PTGER4: variants seen among roughly 807,000 people sequenced by gnomAD.
PTGER4 encodes prostaglandin E receptor 4.
A neutral mutation model predicts 33.2 loss-of-function variants in PTGER4; 11 were observed. The observed-to-expected ratio is 0.33, with a 90% CI of 0.21 to 0.55. The LOEUF (loss-of-function observed/expected upper bound fraction) is 0.55, where lower values mean the gene tolerates loss of function less well. Ranked by LOEUF, PTGER4 falls within the 20% of genes least tolerant of loss-of-function variation. The pLI, the probability that PTGER4 is intolerant of heterozygous loss-of-function variation, is 0.92. For missense variants in PTGER4, 481 were observed against 650.2 expected (o/e 0.74, Z 2.83); for synonymous variants, 275 against 281.5 (o/e 0.98, Z 0.23).
chr5:40,722,877 G>A, the PTGER4 span, among the ~76,000 whole-genome samples: 4 of 150,652 alleles, frequency 2.7e-5, no homozygotes, highest in Admixed American at 6.6e-5. Flanking sequence ...GCCTCCGCCC[G>A]GCTGCCCCAT....
At position 40,692,212 on chromosome 5, in the gene PTGER4, T is replaced by C. The variant is rs755350771; in HGVS notation, c.1301T>C (p.Leu434Ser). Residue 434 changes from leucine (L) to serine (S), a missense_variant, in exon 3 of 3, where the codon TTG (leucine) becomes TCG (serine). Transcript: ENST00000302472. ...AQEDTTSLRT[L>S]RISETSDSSQ... ...GAAGACACCACCTCACTGAGGACTT[T>C]GCGAATATCAGAGACCTCAGACTCT... 6 of 1,614,182 alleles carry C rather than the reference T, an allele frequency of 3.7e-6. No homozygotes were observed. The highest frequency in any genetic ancestry group is 5.1e-6 in the Non-Finnish European group (6 of 1,180,034).
the PTGER4 span, among the ~76,000 whole-genome samples, chr5:40,720,941 T>A: frequency 1.3e-5 from 2 of 152,170 alleles, no homozygotes; most frequent in African/African-American, 2.4e-5. Flanking sequence ...GCCTGTTTTT[T>A]GGACCACTGT....
intron 2 of PTGER4, among the ~76,000 whole-genome samples, chr5:40,689,653 A>G (rs1741419757): frequency 6.6e-6 from 1 of 152,192 alleles, no homozygotes. Flanking sequence ...CAGGTGATTC[A>G]TACACCATGA....
At chr5:40,744,487 G>T in the PTGER4 span, among the ~76,000 whole-genome samples, 19 of 136,404 alleles carry the variant, frequency 1.4e-4, no homozygotes, top group Admixed American at 2.2e-4. Context: ...ACTCTTACCA[G>T]TTTTTTTTTT....
chr5:40,716,027 T>C, the PTGER4 span: 1 of 838,496 alleles, frequency 1.2e-6, no homozygotes, highest in Non-Finnish European at 1.8e-6. Flanking sequence ...ATGCCTCATC[T>C]GAAAAACATA....
At position 40,680,711 on chromosome 5, in the gene PTGER4, G is replaced by C. The variant is rs564852774; in HGVS notation, c.-44+233G>C. ...ATGGAGTGAGTTGGATTGTGGGGAGGAAGAGGAATGGGAAAATCAGTTTAT... is the reference window on the plus strand; with the variant it reads ...ATGGAGTGAGTTGGATTGTGGGGAGCAAGAGGAATGGGAAAATCAGTTTAT... On this transcript the variant is annotated intron_variant, in intron 1 of 2. Coordinates refer to ENST00000302472, the MANE Select transcript of PTGER4 (RefSeq NM_000958.3). The surrounding 1 kb of genome is among the most constrained non-coding windows in gnomAD (Gnocchi z 5.5). 4.3e-4 allele frequency among the ~76,000 whole-genome samples: 65 copies of C among 152,332 alleles called. No individual in the cohort carries two copies. The highest frequency in any genetic ancestry group is 1.5e-3 in the African/African-American group (62 of 41,568).
At chr5:40,684,033 T>A (rs1218674554) in intron 2 of PTGER4, among the ~76,000 whole-genome samples, 1 of 152,116 alleles carries the variant, frequency 6.6e-6, no homozygotes, top group Non-Finnish European at 1.5e-5. Context: ...CATCAGTTTG[T>A]CGCCTTTAGT....
the PTGER4 span, among the ~76,000 whole-genome samples, chr5:40,716,673 A>C: frequency 2.6e-5 from 4 of 152,360 alleles, no homozygotes; most frequent in African/African-American, 9.6e-5. Flanking sequence ...TGGGGAAAAA[A>C]ATTATAGAAG....
At chr5:40,693,751 C>G (rs949026933), downstream of PTGER4, 1 of 972,808 alleles carries the variant, frequency 1.0e-6, no homozygotes, top group African/African-American at 1.8e-5. Context: ...GTTGCATATC[C>G]TCAGTTTGGG....
At chr5:40,699,095 GA>G in the PTGER4 span, among the ~76,000 whole-genome samples, 1 of 150,060 alleles carries the variant, frequency 6.7e-6, no homozygotes, top group East Asian at 2.0e-4. Flanking sequence ...TATAGGAACA[GA>G]AAAAACAGTA....
At chr5:40,722,376 GA>G in the PTGER4 span, among the ~76,000 whole-genome samples, 1 of 151,956 alleles carries the variant, frequency 6.6e-6, no homozygotes, top group Non-Finnish European at 1.5e-5. Context: ...CATCGTCTGG[GA>G]TGTGAGGAGC....
chr5:40,681,446 C>T lies in PTGER4; in HGVS notation c.453C>T (p.Cys151=). The T allele has an allele frequency of 3.7e-6, 6 of 1,613,848 alleles. No homozygotes were observed. The highest frequency in any genetic ancestry group is 4.2e-6 in the Non-Finnish European group (5 of 1,180,040). ...FAVYASNVLF[C]ALPNMGLGSS... ...TCTATGCGTCCAACGTGCTCTTTTG[C>T]GCGCTGCCCAACATGGGTCTCGGTA... The change falls in exon 2 of 3, where the codon TGC becomes TGT. Residue 151 remains cysteine, a synonymous_variant. Coordinates refer to ENST00000302472, the MANE Select transcript of PTGER4 (RefSeq NM_000958.3). This position sits in a 1 kb window ranked among gnomAD's most constrained non-coding sequence, Gnocchi z 9.8.
At chr5:40,696,683 AAGGAC>A (rs1341742923), downstream of PTGER4, 2 of 985,010 alleles carry the variant, frequency 2.0e-6, no homozygotes, top group African/African-American at 3.5e-5. Context: ...CATGGAAGAG[AAGGAC>A]AGAAGAGAAC....
intron 2 of PTGER4, among the ~76,000 whole-genome samples, chr5:40,687,618 G>A (rs1335735715): frequency 6.6e-6 from 1 of 152,068 alleles, no homozygotes; most frequent in East Asian, 1.9e-4. Flanking sequence ...CAAGATGCGT[G>A]GAGTTTTTGT....
chr5:40,697,004 GAA>G (rs750294165), downstream of PTGER4, among the ~76,000 whole-genome samples: 1 of 141,348 alleles, frequency 7.1e-6, no homozygotes, highest in Admixed American at 7.4e-5. Context: ...GAAAGGGAAA[GAA>G]AGAGAGAAAG....
downstream of PTGER4, chr5:40,696,772 T>A (rs1238689559): frequency 4.2e-5 from 38 of 908,260 alleles, no homozygotes; most frequent in Non-Finnish European, 4.9e-5. Flanking sequence ...AGGTAAGTAT[T>A]TCTCTTTCTT....
Position 40,693,622 on chromosome 5 carries a change from T to C in PTGER4, c.*1244T>C. On this transcript the variant is annotated 3_prime_UTR_variant, in exon 3 of 3. Transcript: ENST00000302472. Reference sequence around the variant, plus strand: ...TTAAGCATGTTTTGTTGCTCAGTGTTTTTGTGAATTGCTTGGTTGTAATTA... The same window carrying C: ...TTAAGCATGTTTTGTTGCTCAGTGTCTTTGTGAATTGCTTGGTTGTAATTA... 1 of 985,780 alleles carries C rather than the reference T, an allele frequency of 1.0e-6. No homozygotes were observed. The allele number at this position is 985,780 out of a possible 1,614,324, so 61.1% of individuals were successfully genotyped here.
chr5:40,693,405 A>C lies in PTGER4; in HGVS notation c.*1027A>C. Reference sequence around the variant, plus strand: ...GGAATTACCAAGAATATCCTTTAAAATTTAAAAGGATGGCAAGTTGCATCA... The same window carrying C: ...GGAATTACCAAGAATATCCTTTAAACTTTAAAAGGATGGCAAGTTGCATCA... On this transcript the variant is annotated 3_prime_UTR_variant, in exon 3 of 3. Transcript: ENST00000302472. The C allele has an allele frequency of 1.0e-6, 1 of 985,456 alleles. No individual in the cohort carries two copies. The highest frequency in any genetic ancestry group is 1.2e-6 in the Non-Finnish European group (1 of 829,450). 61.0% of individuals were successfully genotyped at this position (985,456 alleles called of 1,614,324 possible).
At chr5:40,708,301 G>A in the PTGER4 span, among the ~76,000 whole-genome samples, 20 of 152,068 alleles carry the variant, frequency 1.3e-4, no homozygotes, top group East Asian at 1.9e-3. Context: ...TAATAAAGAA[G>A]AAAAGAGAGA....
Sources: allele counts gnomAD v4.1 joint callset (sites outside exome capture counted in the v4.1 genomes callset), GRCh38; gene constraint gnomAD v4.1.1; non-coding constraint Gnocchi (gnomAD v3.1); transcripts MANE v1.5; gene names NCBI Gene and HGNC (gene_info 2026-07-23, HGNC 2026-07-21).